STIL: variants seen among roughly 807,000 people sequenced by gnomAD.
STIL encodes STIL centriolar assembly protein.
A neutral mutation model predicts 110.1 loss-of-function variants in STIL; 55 were observed. That is an observed-to-expected ratio of 0.50 (90% CI 0.40 to 0.63). STIL has a LOEUF of 0.63. Ranked by LOEUF, STIL falls within the 20% of genes least tolerant of loss-of-function variation. The pLI is 0.00. For synonymous variants in STIL, 481 were observed against 530.0 expected (o/e 0.91, Z 1.27); for missense variants, 1,358 against 1,530.0 (o/e 0.89, Z 1.87).
chr1:47,290,783 G>A (rs1042472148), intron 8 of STIL, among the ~76,000 whole-genome samples: 2 of 152,066 alleles, frequency 1.3e-5, no homozygotes, highest in Non-Finnish European at 2.9e-5. Flanking sequence ...GGAAGATGAG[G>A]TTATAAATCA....
intron 7 of STIL, among the ~76,000 whole-genome samples, chr1:47,295,302 G>C (rs1034170062): frequency 2.0e-5 from 3 of 152,040 alleles, no homozygotes; most frequent in African/African-American, 7.2e-5. Context: ...AAATCTGGCT[G>C]AGCATGATGG....
intron 6 of STIL, among the ~76,000 whole-genome samples, chr1:47,299,498 T>A (rs1014131441): frequency 1.5e-4 from 22 of 150,998 alleles, no homozygotes; most frequent in Non-Finnish European, 3.1e-4. Flanking sequence ...GTTCAAGTGA[T>A]CCTCCTGCCT....
chr1:47,293,327 T>C, intron 8 of STIL, 131 bp downstream of exon 8: 1 of 702,088 alleles, frequency 1.4e-6, no homozygotes. Flanking sequence ...AGGTTTGTTT[T>C]TTCTTAATGT....
In STIL at chr1:47,262,984, T is replaced by C; in HGVS notation, c.2748A>G (p.Ser916=). 1 of 1,614,208 alleles carries C rather than the reference T, an allele frequency of 6.2e-7. No individual in the cohort carries two copies. Among genetic ancestry groups the C allele is most frequent in the Middle Eastern group, 1.6e-4 (1 of 6,062 alleles). The change falls in exon 15 of 17, where the codon TCA becomes TCG. Residue 916 remains serine, a synonymous_variant. Coordinates refer to ENST00000371877, the MANE Select transcript of STIL (RefSeq NM_001048166.1). The stretch of plus-strand genomic sequence containing the variant: ...TTACATGCTCAATTTTTGGTTCCTC[T>C]GATGTTTCAGAATTGTTACTGGCAC... ...TGGASNNSET[S]EEPKIEHVMQ...
At chr1:47,307,728 G>A (rs1474030917) in intron 2 of STIL, among the ~76,000 whole-genome samples, 2 of 152,320 alleles carry the variant, frequency 1.3e-5, no homozygotes, top group African/African-American at 4.8e-5. Context: ...TCTGACCGCC[G>A]GTGAGCCAGG....
At chr1:47,270,247 T>TACAC (rs1471336626) in intron 13 of STIL, among the ~76,000 whole-genome samples, 97 of 97,804 alleles carry the variant, frequency 9.9e-4, no homozygotes, top group Non-Finnish European at 1.2e-3. Context: ...AAAAAATATA[T>TACAC]ATATATATAC....
At chr1:47,264,930 T>TAAAAAAA (rs35230201) in intron 14 of STIL, among the ~76,000 whole-genome samples, 1 of 128,850 alleles carries the variant, frequency 7.8e-6, no homozygotes, top group Non-Finnish European at 1.6e-5. Context: ...TTTCTAAAGT[T>TAAAAAAA]AAAAAAAAAA....
chr1:47,282,537 T>C, intron 10 of STIL, 78 bp from the exon 11 acceptor site: 1 of 842,476 alleles, frequency 1.2e-6, no homozygotes, highest in Non-Finnish European at 2.0e-6. Flanking sequence ...AATAAAGTCC[T>C]TTAATAAGTT....
intron 16 of STIL, among the ~76,000 whole-genome samples, chr1:47,254,898 A>G (rs1419463331): frequency 6.6e-6 from 1 of 152,188 alleles, no homozygotes; most frequent in Non-Finnish European, 1.5e-5. Context: ...AGTCAATATC[A>G]GTTTAGAAGG....
At chr1:47,307,247 T>C (rs886097106) in intron 2 of STIL, among the ~76,000 whole-genome samples, 15 of 152,126 alleles carry the variant, frequency 9.9e-5, no homozygotes, top group African/African-American at 3.4e-4. Flanking sequence ...CTTGAATCAG[T>C]TGAGGTTGCA....
chr1:47,297,446 A>G (rs942561590), intron 6 of STIL, among the ~76,000 whole-genome samples: 40 of 152,204 alleles, frequency 2.6e-4, no homozygotes, highest in African/African-American at 9.4e-4. Context: ...CTCCATTATA[A>G]CACATCATGT....
At chr1:47,253,305 C>T (rs764277394) in intron 16 of STIL, among the ~76,000 whole-genome samples, 18 of 152,086 alleles carry the variant, frequency 1.2e-4, no homozygotes, top group African/African-American at 2.2e-4. Flanking sequence ...GCACTTACCG[C>T]GGTCTATACA....
rs1321200482 is a variant in STIL, at chr1:47,295,847, A to T, written c.703T>A (p.Tyr235Asn). The change falls in exon 7 of 17, where the codon TAT becomes AAT. Residue 235 changes from tyrosine to asparagine, a missense_variant and splice_region_variant. Coordinates refer to ENST00000371877, the MANE Select transcript of STIL (RefSeq NM_001048166.1). ...TTGCGTGTTTCATCCATGGTAAGATATCTAAACAGAAGACATTCATGTGAA... is the reference window on the plus strand; with the variant it reads ...TTGCGTGTTTCATCCATGGTAAGATTTCTAAACAGAAGACATTCATGTGAA... Reference protein sequence around the residue: ...SQVQGTYKYGYLTMDETRKLL... With the variant: ...SQVQGTYKYGNLTMDETRKLL... The T allele has an allele frequency of 4.4e-6, 7 of 1,607,014 alleles. No homozygotes were observed. The highest frequency in any genetic ancestry group is 6.0e-6 in the Non-Finnish European group (7 of 1,173,914).
intron 8 of STIL, 139 bp downstream of exon 8, chr1:47,293,319 G>T (rs1292811916): frequency 7.8e-6 from 5 of 642,212 alleles, no homozygotes; most frequent in Non-Finnish European, 1.4e-5. Flanking sequence ...TTAATATAAG[G>T]TTTGTTTTTT....
At chr1:47,297,339 A>T (rs1557763261) in intron 6 of STIL, among the ~76,000 whole-genome samples, 1 of 85,642 alleles carries the variant, frequency 1.2e-5, no homozygotes, top group Non-Finnish European at 3.7e-5. Context: ...GCAAGACTCC[A>T]TCTCAAAAAA....
At chr1:47,295,965 C>G in intron 6 of STIL, 117 bp from the exon 7 acceptor site, 1 of 741,008 alleles carries the variant, frequency 1.3e-6, no homozygotes, top group South Asian at 1.6e-5. Flanking sequence ...TGAACGTTGT[C>G]TTGCACACAC....
intron 10 of STIL, among the ~76,000 whole-genome samples, chr1:47,286,431 G>A (rs544509587): frequency 2.0e-5 from 3 of 152,140 alleles, no homozygotes; most frequent in South Asian, 2.1e-4. Context: ...GAAAGAGGCC[G>A]GGTGTGGTGG....
intron 1 of STIL, among the ~76,000 whole-genome samples, chr1:47,312,142 T>C (rs527424626): frequency 1.3e-5 from 2 of 152,148 alleles, no homozygotes; most frequent in South Asian, 4.1e-4. Flanking sequence ...AGGCTGAAAA[T>C]CCTATTGAAA....
At chr1:47,252,019 A>C in intron 16 of STIL, 97 bp from the exon 17 acceptor site, 1 of 1,284,942 alleles carries the variant, frequency 7.8e-7, no homozygotes, top group South Asian at 1.5e-5. Context: ...AAAGATCTTC[A>C]GCTTTAAGTT....
Sources: allele counts gnomAD v4.1 joint callset (sites outside exome capture counted in the v4.1 genomes callset), GRCh38; gene constraint gnomAD v4.1.1; transcripts MANE v1.5; gene names NCBI Gene and HGNC (gene_info 2026-07-23, HGNC 2026-07-21).